The following MVB12B variants were observed in gnomAD, a reference collection of about 807,000 sequenced individuals.
MVB12B encodes the protein ESCRT-I complex subunit MVB12B.
Under a neutral mutation model 41.6 loss-of-function variants are expected in MVB12B, and 16 were observed. The ratio of observed to expected loss-of-function variants is 0.38; its 90% CI spans 0.26 to 0.58. The LOEUF is 0.58. MVB12B is among the 20% of genes least tolerant of loss of function. MVB12B has a pLI of 0.62. For missense variants in MVB12B, 274 were observed against 380.2 expected (o/e 0.72, Z 2.32); for synonymous variants, 133 against 139.7 (o/e 0.95, Z 0.34).
intron 7 of MVB12B, among the ~76,000 whole-genome samples, chr9:126,441,927 G>A: frequency 6.6e-6 from 1 of 152,206 alleles, no homozygotes; most frequent in Admixed American, 6.5e-5. Flanking sequence ...AAATTATATA[G>A]TGGTAGAGTC....
intron 1 of MVB12B, 135 bp downstream of exon 1, chr9:126,327,145 T>A: frequency 1.7e-6 from 1 of 596,866 alleles, no homozygotes; most frequent in Non-Finnish European, 2.1e-6. Context: ...GCCTGCGGGC[T>A]CCGTGCCCGG....
intron 7 of MVB12B, among the ~76,000 whole-genome samples, chr9:126,426,205 T>G (rs1410900601): frequency 6.6e-6 from 1 of 152,216 alleles, no homozygotes; most frequent in African/African-American, 2.4e-5. Flanking sequence ...CAGAAAACAT[T>G]TGCCAACCCC....
In MVB12B at chr9:126,333,884, TCCA is replaced by T. The variant is rs1564276859; in HGVS notation, c.82-6623_82-6621del. ...ATCCATCCATCCATCCATCCATCCA[TCCA>T]TTCGTTCATCAAATACCTGATGAAT... On this transcript the variant is annotated intron_variant, in intron 1 of 9. Coordinates refer to ENST00000361171, the MANE Select transcript of MVB12B (RefSeq NM_033446.3). This position sits in a 1 kb window ranked among gnomAD's most constrained non-coding sequence, Gnocchi z 4.7. 4.8e-5 allele frequency among the ~76,000 whole-genome samples: 7 copies of T among 145,252 alleles called. No individual in the cohort carries two copies. The East Asian group carries it at 5.9e-4, about 12-fold the overall frequency.
In MVB12B at chr9:126,404,019, T is replaced by TCTCGG. The variant is rs1227282045; in HGVS notation, c.662+8326_662+8330dup. ...CCCAGGCTGGAGTGCAGTGCTGCTA[T>TCTCGG]CTCGGCTCACTGCAACCTCTGCCTC... is the stretch of plus-strand genomic sequence containing the variant. On this transcript the variant is annotated intron_variant, in intron 6 of 9. Transcript: ENST00000361171. Among the ~76,000 whole-genome samples, 4 of 147,488 alleles carry TCTCGG rather than the reference T, an allele frequency of 2.7e-5. No homozygotes were observed. The East Asian group carries it at 6.6e-4, about 24-fold the overall frequency.
intron 7 of MVB12B, among the ~76,000 whole-genome samples, chr9:126,443,346 G>A (rs970425468): frequency 1.1e-4 from 16 of 152,146 alleles, no homozygotes; most frequent in African/African-American, 3.6e-4. Flanking sequence ...GCTAGAACAG[G>A]TGCCTTGAGA....
chr9:126,479,991 G>A (rs1262725915), intron 7 of MVB12B, among the ~76,000 whole-genome samples: 2 of 151,998 alleles, frequency 1.3e-5, no homozygotes, highest in East Asian at 3.9e-4. Context: ...TCTGTGTTAG[G>A]ACTGAGAAAG....
chr9:126,442,925 T>G (rs1048543744), intron 7 of MVB12B, among the ~76,000 whole-genome samples: 2 of 152,324 alleles, frequency 1.3e-5, no homozygotes, highest in African/African-American at 2.4e-5. Flanking sequence ...GAGGAAGCTA[T>G]TTTGAGTTTA....
chr9:126,499,389 AGCTGGACCGGGCTGTGCG>A (rs2119238413), intron 9 of MVB12B, among the ~76,000 whole-genome samples: 1 of 152,328 alleles, frequency 6.6e-6, no homozygotes, highest in South Asian at 2.1e-4. Flanking sequence ...GGCGCTGCGC[AGCTGGACCGGGCTGTGCG>A]GACCAAATGC....
intron 2 of MVB12B, 78 bp from the exon 3 acceptor site, chr9:126,380,986 G>A (rs1430831544): frequency 5.9e-5 from 62 of 1,045,782 alleles, no homozygotes; most frequent in South Asian, 6.4e-5. Context: ...TGGAACAGGC[G>A]TGGAAGAAGT....
chr9:126,400,987 C>T (rs1400548851), intron 6 of MVB12B, among the ~76,000 whole-genome samples: 1 of 152,140 alleles, frequency 6.6e-6, no homozygotes, highest in East Asian at 1.9e-4. Flanking sequence ...CCTGCGGGGG[C>T]TCTCCTAGAA....
intron 7 of MVB12B, among the ~76,000 whole-genome samples, chr9:126,443,225 C>T (rs1832683908): frequency 6.6e-6 from 1 of 152,158 alleles, no homozygotes; most frequent in African/African-American, 2.4e-5. Context: ...GACCGTGATT[C>T]CTTTCTCTGG....
chr9:126,352,569 A>G (rs1829780748), intron 2 of MVB12B, among the ~76,000 whole-genome samples: 1 of 152,100 alleles, frequency 6.6e-6, no homozygotes, highest in African/African-American at 2.4e-5. Context: ...CAAGTCTGGG[A>G]TATATGAGGC....
At chr9:126,476,770 G>C (rs1385111958) in intron 7 of MVB12B, among the ~76,000 whole-genome samples, 3 of 151,118 alleles carry the variant, frequency 2.0e-5, no homozygotes, top group African/African-American at 7.3e-5. Flanking sequence ...CCAGCTACTC[G>C]GGAGGCTGAG....
At chr9:126,470,351 G>A (rs879470749) in intron 7 of MVB12B, among the ~76,000 whole-genome samples, 18 of 152,184 alleles carry the variant, frequency 1.2e-4, no homozygotes, top group Non-Finnish European at 2.5e-4. Flanking sequence ...AAGCTTCTGA[G>A]GCTCAGTGAG....
intron 2 of MVB12B, among the ~76,000 whole-genome samples, chr9:126,380,823 T>C (rs917779): frequency 1 from 151,706 of 152,372 alleles, 75,528 homozygotes; most frequent in Middle Eastern, 1. Context: ...CTCATTAGAA[T>C]CATTTTTGTC....
chr9:126,382,460 A>C (rs1830664701), intron 3 of MVB12B, among the ~76,000 whole-genome samples: 1 of 152,196 alleles, frequency 6.6e-6, no homozygotes, highest in South Asian at 2.1e-4. Context: ...CTTGACACAA[A>C]AGTCTGGAAA....
At chr9:126,469,840 C>T (rs983074674) in intron 7 of MVB12B, among the ~76,000 whole-genome samples, 1 of 152,222 alleles carries the variant, frequency 6.6e-6, no homozygotes, top group African/African-American at 2.4e-5. Flanking sequence ...AAAAGTATCA[C>T]TGAGTTGCGT....
chr9:126,369,287 A>T (rs1242181054), intron 2 of MVB12B, among the ~76,000 whole-genome samples: 1 of 152,228 alleles, frequency 6.6e-6, no homozygotes, highest in Non-Finnish European at 1.5e-5. Context: ...TGAAATAAAA[A>T]GTTTCTTCTT....
intron 2 of MVB12B, among the ~76,000 whole-genome samples, chr9:126,364,902 C>T (rs1365553340): frequency 1.3e-5 from 2 of 151,906 alleles, no homozygotes; most frequent in African/African-American, 4.8e-5. Flanking sequence ...CAGGTGCCCG[C>T]CACCAGGCCT....
Sources: gnomAD v4.1 joint callset for allele counts (sites outside exome capture counted in the v4.1 genomes callset) on GRCh38, gnomAD v4.1.1 for gene constraint, Gnocchi (gnomAD v3.1) non-coding constraint, MANE v1.5 for transcripts, NCBI Gene and HGNC (gene_info 2026-07-23, HGNC 2026-07-21) for gene names.